Variants in MAP3K19 observed in about 807,000 individuals in gnomAD.
MAP3K19 encodes the protein mitogen-activated protein kinase kinase kinase 19.
Under a neutral mutation model 114.4 loss-of-function variants are expected in MAP3K19, and 91 were observed. The observed-to-expected ratio is 0.80, with a 90% CI of 0.67 to 0.95. The LOEUF (loss-of-function observed/expected upper bound fraction) is 0.95. MAP3K19 is among the 40% of genes least tolerant of loss of function. MAP3K19 has a pLI of 0.00. For synonymous variants in MAP3K19, 518 were observed against 530.5 expected, an observed-to-expected ratio of 0.98 and a Z score of 0.32; for missense variants, 1,471 against 1,573.2, an observed-to-expected ratio of 0.94 and a Z score of 1.10.
intron 9 of MAP3K19, among the ~76,000 whole-genome samples, chr2:134,988,665 C>A (rs916631418): frequency 6.6e-6 from 1 of 152,162 alleles, no homozygotes; most frequent in Non-Finnish European, 1.5e-5. Flanking sequence ...GCTGGAATTA[C>A]AGGCATGAGC....
At chr2:135,046,140 C>T (rs1688736956) in intron 1 of MAP3K19, among the ~76,000 whole-genome samples, 1 of 152,140 alleles carries the variant, frequency 6.6e-6, no homozygotes, top group Non-Finnish European at 1.5e-5. Context: ...CTATGTTGCC[C>T]AGGCTTAGTC....
chr2:134,989,202 A>C (rs375285344), intron 9 of MAP3K19, among the ~76,000 whole-genome samples: 135 of 152,336 alleles, frequency 8.9e-4, no homozygotes, highest in African/African-American at 3.1e-3. Flanking sequence ...AGGTCAGTGT[A>C]ACCCAATGTA....
At chr2:134,993,060 T>C (rs983188639) in intron 8 of MAP3K19, among the ~76,000 whole-genome samples, 5 of 152,276 alleles carry the variant, frequency 3.3e-5, no homozygotes, top group African/African-American at 1.2e-4. Context: ...ATTTTTTGTA[T>C]AGACAGGGTC....
At chr2:134,984,906 C>T (rs991801852) in intron 10 of MAP3K19, among the ~76,000 whole-genome samples, 4 of 152,108 alleles carry the variant, frequency 2.6e-5, no homozygotes, top group Non-Finnish European at 4.4e-5. Context: ...AAGCCGAGAT[C>T]GCAGCACTGC....
At position 135,025,858 on chromosome 2, in the gene MAP3K19, G is replaced by C. The variant is rs115578327; in HGVS notation, c.-94-1117C>G. Among the ~76,000 whole-genome samples, 244 of 152,238 alleles carry C rather than the reference G, an allele frequency of 1.6e-3. 1 individual carries two copies. Among genetic ancestry groups the C allele is most frequent in the African/African-American group, 5.6e-3 (232 of 41,542 alleles). ...AACCCTTGCATTAGATATCAGCTCA[G>C]AGAAATCCAAAGTTAAATGATGAGA... On this transcript the variant is annotated intron_variant, in intron 3 of 12. Coordinates refer to ENST00000392915, the MANE Select transcript of MAP3K19 (RefSeq NM_025052.5).
intron 1 of MAP3K19, among the ~76,000 whole-genome samples, chr2:135,041,690 T>C (rs528637608): frequency 3.1e-4 from 47 of 152,316 alleles, no homozygotes; most frequent in Middle Eastern, 3.4e-3. Flanking sequence ...CTCCAACTTC[T>C]GCTTCTGACA....
chr2:135,006,974 G>C (rs1686863564), intron 5 of MAP3K19, among the ~76,000 whole-genome samples: 1 of 151,982 alleles, frequency 6.6e-6, no homozygotes, highest in African/African-American at 2.4e-5. Flanking sequence ...GGCCAGCCTG[G>C]ACAACATGGT....
chr2:135,007,089 T>C (rs1041474871), intron 5 of MAP3K19, among the ~76,000 whole-genome samples: 2 of 149,922 alleles, frequency 1.3e-5, no homozygotes, highest in South Asian at 4.2e-4. Flanking sequence ...ATTTGAGCCA[T>C]AGGAGGTTGA....
chr2:134,983,668 T>G lies in MAP3K19; in HGVS notation c.3222+8A>C. On this transcript the variant is annotated splice_region_variant and intron_variant, in intron 11 of 12. Coordinates refer to ENST00000392915, the MANE Select transcript of MAP3K19 (RefSeq NM_025052.5). The stretch of plus-strand genomic sequence containing the variant: ...GAGTGCTGATTTCAAGTTTCCAGTT[T>G]AACTTACTGTGCCGTAGGCTCCCTT... 6.5e-7 allele frequency: 1 copy of G among 1,533,180 alleles called. No individual in the cohort carries two copies. The highest frequency in any genetic ancestry group is 8.7e-7 in the Non-Finnish European group (1 of 1,145,614). The allele number at this position is 1,533,180 out of a possible 1,614,324, so 95.0% of individuals were successfully genotyped here. A position where few individuals can be genotyped will look rare whatever the true frequency, so the allele number is the denominator to read the frequency against.
At chr2:135,015,657 G>A (rs1687534918) in intron 5 of MAP3K19, among the ~76,000 whole-genome samples, 1 of 152,094 alleles carries the variant, frequency 6.6e-6, no homozygotes, top group Non-Finnish European at 1.5e-5. Context: ...CACTTTAGGA[G>A]GCCGAGGTGG....
intron 6 of MAP3K19, among the ~76,000 whole-genome samples, chr2:135,004,502 G>GTTC (rs1245542825): frequency 6.6e-6 from 1 of 152,196 alleles, no homozygotes; most frequent in Non-Finnish European, 1.5e-5. Context: ...GAGGTGCGAA[G>GTTC]GGATGAGAAA....
chr2:134,977,863 A>T (rs577719847), intron 12 of MAP3K19, among the ~76,000 whole-genome samples: 1 of 152,218 alleles, frequency 6.6e-6, no homozygotes, highest in East Asian at 1.9e-4. Context: ...TCCCCCCTGT[A>T]TTCTTAACCA....
At chr2:134,973,605 T>C (rs1328152965) in intron 12 of MAP3K19, among the ~76,000 whole-genome samples, 1 of 152,206 alleles carries the variant, frequency 6.6e-6, no homozygotes, top group Non-Finnish European at 1.5e-5. Context: ...AATCCATTTA[T>C]GTTCTTATTC....
rs1686758598 is a variant in MAP3K19, at chr2:135,005,619, A to C, written c.139-88T>G. ...AGTGAATGTTGATTTTTCTGGGCTA[A>C]AGATTTACACCATGGATTCCTTTTA... On this transcript the variant is annotated intron_variant, in intron 5 of 12. Transcript: ENST00000392915. 6.5e-6 allele frequency: 6 copies of C among 926,218 alleles called. 1 individual carries two copies. In the South Asian group the frequency reaches 8.2e-5, roughly 13 times the overall value. The allele number at this position is 926,218 out of a possible 1,614,324, so 57.4% of individuals were successfully genotyped here.
At position 134,964,860 on chromosome 2, in the gene MAP3K19, C is replaced by G. The variant is rs1365170183; in HGVS notation, c.3977G>C (p.Arg1326Thr). ...AGTCTTGATGTATATTCAGTGACTT[C>G]TCTCCAAGAAGGAGTGCTTCAGGAG... ...LQLLKHSFLE[R>T]SH Residue 1326 changes from arginine (R) to threonine (T), a missense_variant, in exon 13 of 13, where the codon AGA (arginine) becomes ACA (threonine). Physicochemically the swap from Arg to Thr is moderately conservative, Grantham distance 71. Transcript: ENST00000392915. 6.2e-7 allele frequency: 1 copy of G among 1,613,170 alleles called. No homozygotes were observed. Among genetic ancestry groups the G allele is most frequent in the South Asian group, 1.1e-5 (1 of 90,850 alleles).
intron 12 of MAP3K19, among the ~76,000 whole-genome samples, chr2:134,966,800 G>T (rs1409430121): frequency 6.6e-6 from 1 of 152,186 alleles, no homozygotes; most frequent in Non-Finnish European, 1.5e-5. Flanking sequence ...CTCGAGGACG[G>T]AGTCTGAGCC....
At chr2:135,032,165 T>A (rs1267797828) in intron 2 of MAP3K19, among the ~76,000 whole-genome samples, 1 of 152,036 alleles carries the variant, frequency 6.6e-6, no homozygotes, top group Non-Finnish European at 1.5e-5. Context: ...AAGACCAGCC[T>A]GGCCAAGATG....
chr2:135,046,817 T>C (rs1158528365), intron 1 of MAP3K19, among the ~76,000 whole-genome samples: 1 of 152,254 alleles, frequency 6.6e-6, no homozygotes, highest in African/African-American at 2.4e-5. Flanking sequence ...AACATATGTA[T>C]ACAATATTGA....
At chr2:135,033,802 C>T (rs1343071780) in intron 2 of MAP3K19, among the ~76,000 whole-genome samples, 1 of 24,648 alleles carries the variant, frequency 4.1e-5, no homozygotes, top group Non-Finnish European at 6.7e-5. Flanking sequence ...ACCTCCCGGA[C>T]GGGGTGGCTG....
Sources: gnomAD v4.1 joint callset for allele counts (sites outside exome capture counted in the v4.1 genomes callset) on GRCh38, gnomAD v4.1.1 for gene constraint, MANE v1.5 for transcripts, NCBI Gene and HGNC (gene_info 2026-07-23, HGNC 2026-07-21) for gene names.